Variants in ADAMTSL1 observed in about 807,000 individuals in gnomAD.
The protein encoded by ADAMTSL1 is ADAMTS-like protein 1.
Under a neutral mutation model 201.8 loss-of-function variants are expected in ADAMTSL1, and 126 were observed. The observed-to-expected ratio is 0.62, with a 90% CI of 0.54 to 0.72. The LOEUF is 0.72. Among genes scored for constraint, ADAMTSL1 ranks in the 30% least tolerant of loss-of-function variants. ADAMTSL1 has a pLI of 0.00. For synonymous variants in ADAMTSL1, 1,121 were observed against 903.4 expected, an observed-to-expected ratio of 1.24 and a Z score of -4.32; for missense variants, 2,679 against 2,277.8, an observed-to-expected ratio of 1.18 and a Z score of -3.59.
At chr9:18,171,012 G>A (rs1376379774) in intron 2 of ADAMTSL1, among the ~76,000 whole-genome samples, 3 of 152,040 alleles carry the variant, frequency 2.0e-5, no homozygotes, top group South Asian at 4.1e-4. Context: ...TCATGAATGG[G>A]AAGTCTTAAT....
chr9:18,356,435 G>A (rs946189287), intron 2 of ADAMTSL1, among the ~76,000 whole-genome samples: 1 of 150,380 alleles, frequency 6.6e-6, no homozygotes, highest in East Asian at 2.0e-4. Context: ...TGCTAAGGCA[G>A]GAAGGTCAAT....
chr9:18,510,470 C>A (rs1250870642), intron 2 of ADAMTSL1, among the ~76,000 whole-genome samples: 1 of 152,112 alleles, frequency 6.6e-6, no homozygotes, highest in Non-Finnish European at 1.5e-5. Flanking sequence ...AAGTTCTGAC[C>A]CAGGAACATA....
At chr9:18,304,305 A>G (rs1283261661) in intron 2 of ADAMTSL1, among the ~76,000 whole-genome samples, 1 of 152,054 alleles carries the variant, frequency 6.6e-6, no homozygotes, top group Non-Finnish European at 1.5e-5. Flanking sequence ...CCCTACCCTC[A>G]ACATGCCCTG....
chr9:18,617,745 G>A (rs1237234240), intron 4 of ADAMTSL1, among the ~76,000 whole-genome samples: 2 of 152,120 alleles, frequency 1.3e-5, no homozygotes, highest in Admixed American at 6.6e-5. Context: ...TATTAATTTG[G>A]TAAGTTTCAG....
intron 1 of ADAMTSL1, among the ~76,000 whole-genome samples, chr9:18,151,862 A>T (rs761990411): frequency 6.6e-6 from 1 of 152,010 alleles, no homozygotes; most frequent in Non-Finnish European, 1.5e-5. Context: ...TTATGACATA[A>T]ATGTCCCATA....
chr9:18,897,714 C>T (rs1187827301), intron 26 of ADAMTSL1, among the ~76,000 whole-genome samples: 3 of 152,142 alleles, frequency 2.0e-5, no homozygotes, highest in African/African-American at 7.2e-5. Context: ...GGTCAGCAAC[C>T]TCAACAAAGG....
chr9:18,252,175 G>A (rs1831489600), intron 2 of ADAMTSL1, among the ~76,000 whole-genome samples: 1 of 152,070 alleles, frequency 6.6e-6, no homozygotes, highest in Admixed American at 6.6e-5. Context: ...TAGGAAAAAT[G>A]AAGGGTTAGT....
At chr9:18,677,891 A>G (rs1267775059) in intron 10 of ADAMTSL1, among the ~76,000 whole-genome samples, 4 of 152,056 alleles carry the variant, frequency 2.6e-5, no homozygotes, top group South Asian at 2.1e-4. Flanking sequence ...GTCTTAGTAA[A>G]TGGAAACTAT....
chr9:18,157,723 A>G (rs564325489), intron 1 of ADAMTSL1, among the ~76,000 whole-genome samples: 2 of 152,170 alleles, frequency 1.3e-5, no homozygotes, highest in South Asian at 4.1e-4. Flanking sequence ...TTTAAGCTCC[A>G]AACACCAGGT....
chr9:18,678,698 A>C (rs915259285), intron 10 of ADAMTSL1, among the ~76,000 whole-genome samples: 1 of 152,188 alleles, frequency 6.6e-6, no homozygotes, highest in Non-Finnish European at 1.5e-5. Context: ...TAAGTGATTA[A>C]ATGTACATTT....
At chr9:18,074,047 C>G (rs1823084851) in intron 1 of ADAMTSL1, among the ~76,000 whole-genome samples, 1 of 151,802 alleles carries the variant, frequency 6.6e-6, no homozygotes, top group Non-Finnish European at 1.5e-5. Flanking sequence ...AGTGAACGGT[C>G]TAATTTTGGG....
chr9:18,332,761 A>G (rs1226933063), intron 2 of ADAMTSL1, among the ~76,000 whole-genome samples: 2 of 152,212 alleles, frequency 1.3e-5, no homozygotes, highest in South Asian at 2.1e-4. Flanking sequence ...GTGAAACTGC[A>G]GGCATTGTAT....
intron 26 of ADAMTSL1, among the ~76,000 whole-genome samples, chr9:18,904,751 T>A (rs1460550726): frequency 3.4e-5 from 5 of 147,918 alleles, no homozygotes; most frequent in Non-Finnish European, 7.5e-5. Flanking sequence ...TTTTTTTTTT[T>A]ACATTTACCC....
At chr9:18,372,837 A>T (rs1427864086) in intron 2 of ADAMTSL1, among the ~76,000 whole-genome samples, 1 of 152,186 alleles carries the variant, frequency 6.6e-6, no homozygotes, top group African/African-American at 2.4e-5. Context: ...GGGACAAATC[A>T]TAATAAAATA....
At chr9:18,635,403 T>C (rs916625946) in intron 5 of ADAMTSL1, among the ~76,000 whole-genome samples, 16 of 152,136 alleles carry the variant, frequency 1.1e-4, no homozygotes, top group African/African-American at 3.6e-4. Context: ...GAAACACTTA[T>C]GGGGTGCTCA....
chr9:18,819,276 T>C (rs1824058169), intron 21 of ADAMTSL1, among the ~76,000 whole-genome samples: 1 of 151,840 alleles, frequency 6.6e-6, no homozygotes, highest in East Asian at 1.9e-4. Context: ...GCCAACATGG[T>C]GAAACCCTAT....
intron 1 of ADAMTSL1, among the ~76,000 whole-genome samples, chr9:18,030,826 T>A (rs1447176413): frequency 6.6e-6 from 1 of 152,166 alleles, no homozygotes; most frequent in Non-Finnish European, 1.5e-5. Flanking sequence ...TCTCTTTACA[T>A]AATCCCATAT....
chr9:18,063,598 C>T (rs1234499118), intron 1 of ADAMTSL1, among the ~76,000 whole-genome samples: 1 of 152,158 alleles, frequency 6.6e-6, no homozygotes, highest in African/African-American at 2.4e-5. Context: ...CAGGGAAGGG[C>T]CATGTTGACT....
chr9:18,369,768 C>A (rs1324358819), intron 2 of ADAMTSL1, among the ~76,000 whole-genome samples: 1 of 152,086 alleles, frequency 6.6e-6, no homozygotes, highest in African/African-American at 2.4e-5. Context: ...CAATGGATGC[C>A]TGGAAGAAGA....
Sources: gnomAD v4.1 joint callset for allele counts (sites outside exome capture counted in the v4.1 genomes callset) on GRCh38, gnomAD v4.1.1 for gene constraint, MANE v1.5 for transcripts, NCBI Gene and HGNC (gene_info 2026-07-23, HGNC 2026-07-21) for gene names.